FRMD5: variants seen among roughly 807,000 people sequenced by gnomAD.
The protein encoded by FRMD5 is FERM domain-containing protein 5.
FRMD5 carries 20 observed loss-of-function variants against 69.0 expected under a neutral mutation model. The ratio of observed to expected loss-of-function variants is 0.29; its 90% CI spans 0.20 to 0.42. FRMD5 has a LOEUF of 0.42. Among genes scored for constraint, FRMD5 ranks in the 10% least tolerant of loss-of-function variants. The probability of loss-of-function intolerance (pLI) is 1.00; values close to 1 mark genes in which losing one functional copy is unlikely to be tolerated. For missense variants in FRMD5, 595 were observed against 708.6 expected (o/e 0.84, Z 1.82); for synonymous variants, 271 against 260.1 (o/e 1.04, Z -0.40).
Position 44,113,229 on chromosome 15 carries a change from T to A in FRMD5, c.102+81724A>T, listed in dbSNP as rs550436724. Among the ~76,000 whole-genome samples the A allele has an allele frequency of 5.9e-5, 9 of 152,246 alleles. 1 individual carries two copies. The South Asian group carries it at 1.9e-3, about 32-fold the overall frequency. On this transcript the variant is annotated intron_variant, in intron 1 of 13. Transcript: ENST00000417257. Reference sequence around the variant, plus strand: ...TTCCCGGTAGGAGCAAAGAAAGAAATTTCAAAAGAAACAATCTGCATTGTA... The same window carrying A: ...TTCCCGGTAGGAGCAAAGAAAGAAAATTCAAAAGAAACAATCTGCATTGTA...
chr15:44,176,122 A>G (rs2077890400), intron 1 of FRMD5, among the ~76,000 whole-genome samples: 1 of 152,216 alleles, frequency 6.6e-6, no homozygotes, highest in Admixed American at 6.5e-5. Context: ...ATACTTCCCA[A>G]CTTCAAAACC....
chr15:44,008,951 G>A (rs930817690), intron 1 of FRMD5, among the ~76,000 whole-genome samples: 10 of 151,946 alleles, frequency 6.6e-5, no homozygotes, highest in South Asian at 2.1e-4. Context: ...GCATGAACCC[G>A]GGAGGCGGAG....
chr15:44,084,688 A>G (rs1894124495), intron 1 of FRMD5, among the ~76,000 whole-genome samples: 1 of 152,070 alleles, frequency 6.6e-6, no homozygotes, highest in Admixed American at 6.6e-5. Flanking sequence ...ATAATCCTTT[A>G]GCTTTTATTC....
At chr15:44,172,220 A>T (rs1020557612) in intron 1 of FRMD5, among the ~76,000 whole-genome samples, 2 of 151,222 alleles carry the variant, frequency 1.3e-5, no homozygotes, top group Admixed American at 6.6e-5. Context: ...CCTCCTGAGT[A>T]GCTGGGACCA....
intron 1 of FRMD5, among the ~76,000 whole-genome samples, chr15:44,004,705 G>A (rs1231787787): frequency 2.0e-5 from 3 of 152,142 alleles, no homozygotes; most frequent in Admixed American, 2.0e-4. Flanking sequence ...CAACAATATT[G>A]AAATTAGCCA....
chr15:43,989,178 G>A (rs1455543458), intron 1 of FRMD5: 3 of 874,900 alleles, frequency 3.4e-6, no homozygotes, highest in East Asian at 2.4e-5. Flanking sequence ...TCCACACGGA[G>A]TACTTGCGCT....
chr15:43,905,723 C>A, intron 6 of FRMD5, 105 bp downstream of exon 6: 3 of 1,420,302 alleles, frequency 2.1e-6, no homozygotes, highest in South Asian at 1.2e-5. Context: ...GAGCATCACT[C>A]TGTGTCAGTA....
At chr15:44,108,735 C>T (rs1036612361) in intron 1 of FRMD5, among the ~76,000 whole-genome samples, 4 of 151,900 alleles carry the variant, frequency 2.6e-5, no homozygotes, top group Admixed American at 1.3e-4. Flanking sequence ...GTGGCCAAGA[C>T]AGGAGGATCT....
At chr15:43,980,967 C>T (rs1474499243) in intron 1 of FRMD5, among the ~76,000 whole-genome samples, 2 of 152,110 alleles carry the variant, frequency 1.3e-5, no homozygotes, top group Non-Finnish European at 2.9e-5. Context: ...TTACTGTGGA[C>T]CAGAAGGCTT....
intron 1 of FRMD5, among the ~76,000 whole-genome samples, chr15:44,017,199 C>T (rs1891003356): frequency 6.6e-6 from 1 of 151,724 alleles, no homozygotes; most frequent in Non-Finnish European, 1.5e-5. Context: ...TTAGCCGGGC[C>T]TGGTGGTGGG....
chr15:44,125,977 A>G lies in FRMD5; in HGVS notation c.102+68976T>C, dbSNP rs561780158. Among the ~76,000 whole-genome samples the G allele has an allele frequency of 1.4e-3, 220 of 152,372 alleles. 3 individuals carry two copies. Among genetic ancestry groups the G allele is most frequent in the Non-Finnish European group, 2.5e-3 (170 of 68,038 alleles). On this transcript the variant is annotated intron_variant, in intron 1 of 13. Transcript: ENST00000417257. ...TGAAAATGTAAGTAGTCTTATCGGT[A>G]AATTCTATAAATTACCTTTCACTTG...
chr15:43,918,299 C>T (rs2089431289), intron 4 of FRMD5, among the ~76,000 whole-genome samples: 1 of 152,158 alleles, frequency 6.6e-6, no homozygotes, highest in African/African-American at 2.4e-5. Context: ...TGGCAGGCGC[C>T]CGTAATCCCA....
chr15:44,166,170 G>C (rs1163762972), intron 1 of FRMD5, among the ~76,000 whole-genome samples: 1 of 152,108 alleles, frequency 6.6e-6, no homozygotes, highest in Non-Finnish European at 1.5e-5. Context: ...GCTTACTAGT[G>C]AGGTTGAAAT....
chr15:44,128,637 T>A (rs186263137), intron 1 of FRMD5, among the ~76,000 whole-genome samples: 1 of 152,316 alleles, frequency 6.6e-6, no homozygotes. Context: ...CCTAGATATG[T>A]GCTTACCTAA....
At chr15:44,163,405 A>G (rs982737337) in intron 1 of FRMD5, among the ~76,000 whole-genome samples, 2 of 152,200 alleles carry the variant, frequency 1.3e-5, no homozygotes, top group Non-Finnish European at 2.9e-5. Flanking sequence ...TGCCTGGAAT[A>G]GAGGGGTTGG....
intron 1 of FRMD5, among the ~76,000 whole-genome samples, chr15:44,097,212 G>A (rs910967318): frequency 6.6e-6 from 1 of 152,192 alleles, no homozygotes; most frequent in African/African-American, 2.4e-5. Flanking sequence ...ACATCTGATG[G>A]TTAAATCCAC....
At chr15:44,111,289 T>TACTC in intron 1 of FRMD5, among the ~76,000 whole-genome samples, 1 of 152,312 alleles carries the variant, frequency 6.6e-6, no homozygotes, top group East Asian at 1.9e-4. Context: ...CAGACTCCAT[T>TACTC]ACTCACTCAT....
chr15:44,195,279 C>T, upstream of FRMD5: 1 of 507,110 alleles, frequency 2.0e-6, no homozygotes, highest in East Asian at 3.7e-5. Flanking sequence ...TCTGTCTCCT[C>T]GGCGCCCCAG....
At chr15:44,042,418 A>G (rs934219898) in intron 1 of FRMD5, among the ~76,000 whole-genome samples, 3 of 152,184 alleles carry the variant, frequency 2.0e-5, no homozygotes, top group African/African-American at 7.2e-5. Flanking sequence ...ATCCTCCCTA[A>G]CTCATTTTAT....
Sources: allele counts gnomAD v4.1 joint callset (sites outside exome capture counted in the v4.1 genomes callset), GRCh38; gene constraint gnomAD v4.1.1; transcripts MANE v1.5; gene names NCBI Gene and HGNC (gene_info 2026-07-23, HGNC 2026-07-21).